CEP135: variants seen among roughly 807,000 people sequenced by gnomAD.
CEP135 encodes the protein centrosomal protein of 135 kDa.
CEP135 carries 142 observed loss-of-function variants against 157.3 expected under a neutral mutation model. The observed-to-expected ratio is 0.90, with a 90% CI of 0.79 to 1.04. CEP135 has a LOEUF of 1.04. CEP135 is among the 50% of genes least tolerant of loss of function. The pLI is 0.00. For missense variants in CEP135, 1,317 were observed against 1,309.2 expected (o/e 1.01, Z -0.09); for synonymous variants, 396 against 439.8 (o/e 0.90, Z 1.25).
intron 17 of CEP135, among the ~76,000 whole-genome samples, chr4:56,004,573 A>G (rs1008583786): frequency 9.2e-5 from 14 of 152,172 alleles, no homozygotes; most frequent in Admixed American, 2.0e-4. Flanking sequence ...TTTGCTTTAT[A>G]TACCTGGGAA....
intron 24 of CEP135, among the ~76,000 whole-genome samples, chr4:56,024,132 ATATAATTAG>A (rs201315173): frequency 0.021 from 2,998 of 145,258 alleles, 109 homozygotes; most frequent in African/African-American, 0.069. Flanking sequence ...ATTAGTATAT[ATATAATTAG>A]TATAATTAGT....
rs1441311714 is a variant in CEP135 at position 55,953,271 on chromosome 4, T to C, written c.300T>C (p.Val100=). Reference sequence around the variant, plus strand: ...TGAGAGAACATTCAGACCAACACGTTAAAGGTAAGTGAAAATTTGATAATT... The same window carrying C: ...TGAGAGAACATTCAGACCAACACGTCAAAGGTAAGTGAAAATTTGATAATT... ...MKLREHSDQH[V]KELKTSLKKC... Residue 100 remains valine (V), a synonymous_variant, in exon 3 of 26, where the codon GTT becomes GTC. Coordinates refer to ENST00000257287, the MANE Select transcript of CEP135 (RefSeq NM_025009.5). The C allele has an allele frequency of 6.6e-7, 1 of 1,507,358 alleles. No homozygotes were observed. Among genetic ancestry groups the C allele is most frequent in the African/African-American group, 1.4e-5 (1 of 69,654 alleles). The allele number at this position is 1,507,358 out of a possible 1,614,324, so 93.4% of individuals were successfully genotyped here.
intron 1 of CEP135, among the ~76,000 whole-genome samples, chr4:55,949,464 T>C (rs970496949): frequency 6.6e-5 from 10 of 152,260 alleles, no homozygotes; most frequent in African/African-American, 2.4e-4. Flanking sequence ...CGACAGCCTT[T>C]AATTAACCTT....
intron 15 of CEP135, among the ~76,000 whole-genome samples, chr4:55,996,932 G>A (rs975759175): frequency 3.9e-5 from 6 of 152,068 alleles, no homozygotes; most frequent in African/African-American, 1.4e-4. Flanking sequence ...ATATAACTGA[G>A]GAATTTGAAT....
At chr4:55,957,405 A>G (rs1215215251) in intron 5 of CEP135, 41 bp downstream of exon 5, 2 of 1,570,688 alleles carry the variant, frequency 1.3e-6, no homozygotes, top group South Asian at 1.2e-5. Flanking sequence ...TTAATTGAGC[A>G]CTCAATTAGC....
chr4:55,987,675 A>G (rs1377566007), intron 14 of CEP135, among the ~76,000 whole-genome samples: 2 of 152,226 alleles, frequency 1.3e-5, no homozygotes, highest in Non-Finnish European at 2.9e-5. Context: ...TCTGGTCTCT[A>G]TCACTCCAGC....
At chr4:56,030,274 A>T (rs1309174721) in intron 25 of CEP135, among the ~76,000 whole-genome samples, 1 of 152,182 alleles carries the variant, frequency 6.6e-6, no homozygotes, top group Non-Finnish European at 1.5e-5. Flanking sequence ...TTATTTTTTA[A>T]TGAGTAAGAG....
intron 1 of CEP135, among the ~76,000 whole-genome samples, chr4:55,949,735 C>G (rs1728300253): frequency 6.6e-6 from 1 of 152,210 alleles, no homozygotes; most frequent in East Asian, 1.9e-4. Flanking sequence ...TTTTATGTTG[C>G]TTTGCTAGAA....
intron 6 of CEP135, among the ~76,000 whole-genome samples, chr4:55,963,720 TGGGTGACA>T (rs1490326717): frequency 6.6e-6 from 1 of 152,224 alleles, no homozygotes; most frequent in Non-Finnish European, 1.5e-5. Context: ...CACTCCAGAC[TGGGTGACA>T]GAGTGAAACT....
intron 11 of CEP135, among the ~76,000 whole-genome samples, chr4:55,977,471 C>A (rs983897194): frequency 3.4e-4 from 51 of 152,130 alleles, no homozygotes; most frequent in Non-Finnish European, 7.4e-5. Flanking sequence ...CTTCATGGAA[C>A]CCTGTTTTCC....
intron 8 of CEP135, among the ~76,000 whole-genome samples, chr4:55,968,650 A>G (rs1728919118): frequency 6.6e-6 from 1 of 152,160 alleles, no homozygotes; most frequent in Non-Finnish European, 1.5e-5. Context: ...GCTCAACAAA[A>G]TGTTCCTATT....
At chr4:55,963,134 A>G (rs893390163) in intron 6 of CEP135, among the ~76,000 whole-genome samples, 1 of 151,858 alleles carries the variant, frequency 6.6e-6, no homozygotes. Context: ...AAGTTCTGTC[A>G]TTTCTCCTGG....
At chr4:56,005,722 G>A (rs59511278) in intron 17 of CEP135, among the ~76,000 whole-genome samples, 51,908 of 151,862 alleles carry the variant, frequency 0.34, 9,148 homozygotes, top group Non-Finnish European at 0.37. Flanking sequence ...CTTTTTGCAC[G>A]TTAGTTTTTT....
chr4:55,964,788 G>T lies in CEP135; in HGVS notation c.828+386G>T, dbSNP rs554850708. On this transcript the variant is annotated intron_variant, in intron 7 of 25. Coordinates refer to ENST00000257287, the MANE Select transcript of CEP135 (RefSeq NM_025009.5). ...CTGTGGTGGGATATTCTCCTTTATG[G>T]TTTTCTCTTTTTCTTTTTTAAAATT... 70 of 151,272 alleles carry T rather than the reference G, an allele frequency of 4.6e-4. No individual in the cohort carries two copies. The South Asian group carries it at 0.014, about 31-fold the overall frequency. 9.4% of individuals were successfully genotyped at this position (151,272 alleles called of 1,614,324 possible).
chr4:55,981,598 A>G (rs1028837063), intron 13 of CEP135, among the ~76,000 whole-genome samples: 1 of 152,190 alleles, frequency 6.6e-6, no homozygotes, highest in African/African-American at 2.4e-5. Flanking sequence ...CTTCTTTTGT[A>G]GTATGACCTA....
intron 17 of CEP135, among the ~76,000 whole-genome samples, chr4:56,003,455 G>A (rs755320975): frequency 9.9e-5 from 15 of 152,106 alleles, no homozygotes; most frequent in Non-Finnish European, 1.9e-4. Flanking sequence ...TGATCCGCCC[G>A]CCTCGGCCTT....
intron 1 of CEP135, among the ~76,000 whole-genome samples, chr4:55,949,908 C>A (rs954291420): frequency 2.0e-5 from 3 of 152,156 alleles, no homozygotes; most frequent in Non-Finnish European, 4.4e-5. Context: ...TCATTCTCTC[C>A]CCTCCAAAGC....
At chr4:55,990,017 G>A (rs1560412053) in intron 14 of CEP135, among the ~76,000 whole-genome samples, 1 of 152,182 alleles carries the variant, frequency 6.6e-6, no homozygotes, top group Admixed American at 6.5e-5. Context: ...CATATTGTCT[G>A]TGACTGCTTT....
At chr4:56,011,559 G>GTTTTT in intron 20 of CEP135, 37 bp downstream of exon 20, 1 of 1,148,692 alleles carries the variant, frequency 8.7e-7, no homozygotes, top group Non-Finnish European at 1.2e-6. Context: ...TAAGACTGAG[G>GTTTTT]TTTTTTTTTT....
Sources: gnomAD v4.1 joint callset for allele counts (sites outside exome capture counted in the v4.1 genomes callset) on GRCh38, gnomAD v4.1.1 for gene constraint, MANE v1.5 for transcripts, NCBI Gene and HGNC (gene_info 2026-07-23, HGNC 2026-07-21) for gene names.